CD3D: variants seen among roughly 807,000 people sequenced by gnomAD.
CD3D encodes the protein CD3 delta subunit of T-cell receptor complex.
In CD3D, 22 loss-of-function variants were observed where a neutral mutation model predicts 22.0. That is an observed-to-expected ratio of 1.00 (90% CI 0.71 to 1.43). CD3D has a LOEUF of 1.43. Ranked by LOEUF, CD3D falls within the 40% of genes most tolerant of loss-of-function variation. The pLI is 0.00. For missense variants in CD3D, 205 were observed against 211.7 expected, an observed-to-expected ratio of 0.97 and a Z score of 0.20; for synonymous variants, 74 against 81.2, an observed-to-expected ratio of 0.91 and a Z score of 0.48.
chr11:118,341,175 A>G (rs1297662978), intron 1 of CD3D, among the ~76,000 whole-genome samples: 1 of 152,172 alleles, frequency 6.6e-6, no homozygotes, highest in Non-Finnish European at 1.5e-5. Context: ...CAGCCCCTGA[A>G]TTATCAGCCA....
At position 118,339,432 on chromosome 11, in the gene CD3D, C is replaced by T. The variant is rs779545897; in HGVS notation, c.450+19G>A. 175 of 1,613,724 alleles carry T rather than the reference C, an allele frequency of 1.1e-4. 1 individual carries two copies. Among genetic ancestry groups the T allele is most frequent in the Non-Finnish European group, 1.4e-4 (166 of 1,179,768 alleles). ...ACTTACCCTCCCTTCATTCCTGCCT[C>T]CTTCCCCTCAACGCTCACCTGATAG... On this transcript the variant is annotated intron_variant, in intron 4 of 4. Transcript: ENST00000300692.
chr11:118,339,646 AC>A (rs1460113577), intron 3 of CD3D, 128 bp downstream of exon 3: 2 of 1,560,376 alleles, frequency 1.3e-6, no homozygotes, highest in Admixed American at 1.8e-5. Flanking sequence ...TGCAAGAGTA[AC>A]TCCCAGCTGA....
At chr11:118,341,084 A>G in intron 1 of CD3D, 1 of 400,254 alleles carries the variant, frequency 2.5e-6, no homozygotes, top group South Asian at 1.8e-5. Context: ...TGCTCCATTG[A>G]CAACCAAGAA....
chr11:118,339,679 C>G, intron 3 of CD3D, 96 bp downstream of exon 3: 1 of 1,579,708 alleles, frequency 6.3e-7, no homozygotes, highest in Non-Finnish European at 8.6e-7. Context: ...CCACCAGCCC[C>G]ATTCCTTAGC....
At chr11:118,341,136 T>C (rs572431797) in intron 1 of CD3D, among the ~76,000 whole-genome samples, 2 of 152,296 alleles carry the variant, frequency 1.3e-5, no homozygotes, top group African/African-American at 4.8e-5. Flanking sequence ...GGGCCAGGGA[T>C]GGCTGTGGGT....
chr11:118,340,224 T>C lies in CD3D; in HGVS notation c.274+151A>G, dbSNP rs1948287152. 9.4e-6 allele frequency: 7 copies of C among 744,102 alleles called. No homozygotes were observed. In the South Asian group the frequency reaches 1.0e-4, roughly 11 times the overall value. 46.1% of individuals were successfully genotyped at this position (744,102 alleles called of 1,614,324 possible). A position where few individuals can be genotyped will look rare whatever the true frequency, so the allele number is the denominator to read the frequency against. On this transcript the variant is annotated intron_variant, in intron 2 of 4. Coordinates refer to ENST00000300692, the MANE Select transcript of CD3D (RefSeq NM_000732.6). ...CTGAGTTAAGCTCTCTCTTCCACTT[T>C]GAAGGTCCCCAAATCTGGCTTGTAC...
At chr11:118,340,752 A>G (rs1043042909) in intron 1 of CD3D, 159 bp from the exon 2 acceptor site, 24 of 704,766 alleles carry the variant, frequency 3.4e-5, no homozygotes, top group Non-Finnish European at 5.7e-5. Context: ...AAGCCTTCAG[A>G]AAGTTCCCCA....
Position 118,340,390 on chromosome 11 carries a change from G to T in CD3D, c.259C>A (p.Gln87Lys). Residue 87 changes from glutamine to lysine, a missense_variant, in exon 2 of 5, where the codon CAA (glutamine) becomes AAA (lysine). By Grantham distance (53) the Gln-to-Lys change is moderately conservative. Transcript: ENST00000300692. ...DIYKDKESTV[Q>K]VHYRMCQSCV... ...AAGCACGTACTTCGATAATGAACTTGCACGGTAGATTCTTTGTCCTTGTAT... is the reference window on the plus strand; with the variant it reads ...AAGCACGTACTTCGATAATGAACTTTCACGGTAGATTCTTTGTCCTTGTAT... The T allele has an allele frequency of 6.2e-7, 1 of 1,613,648 alleles. No homozygotes were observed. Among genetic ancestry groups the T allele is most frequent in the African/African-American group, 1.3e-5 (1 of 75,038 alleles).
At position 118,342,571 on chromosome 11, in the gene CD3D, C is replaced by A; in HGVS notation, c.37G>T (p.Ala13Ser). The change falls in exon 1 of 5, where the codon GCT (alanine) becomes TCT (serine). Residue 13 changes from alanine (A) to serine (S), a missense_variant. Ala to Ser is a moderately conservative substitution (Grantham distance 99). Transcript: ENST00000300692. The part of the protein sequence containing the change: ...HSTFLSGLVL[A>S]TLLSQVSPFK... ...GCCTTACCTTGCGAGAGAAGGGTAGCCAGTACCAGGCCAGAGAGAAACGTG... is the reference window on the plus strand; with the variant it reads ...GCCTTACCTTGCGAGAGAAGGGTAGACAGTACCAGGCCAGAGAGAAACGTG... 1 of 1,613,748 alleles carries A rather than the reference C, an allele frequency of 6.2e-7. No homozygotes were observed. The highest frequency in any genetic ancestry group is 8.5e-7 in the Non-Finnish European group (1 of 1,179,738).
Position 118,340,447 on chromosome 11 carries a change from G to T in CD3D, c.202C>A (p.Arg68=), listed in dbSNP as rs111033580. Residue 68 remains arginine, a synonymous_variant, in exon 2 of 5, where the codon CGA becomes AGA. Coordinates refer to ENST00000300692, the MANE Select transcript of CD3D (RefSeq NM_000732.6). ...GTCCCATTACACCTATATATTCCTC[G>T]TGGGTCCAGGATGCGTTTTCCCAGG... ...LDLGKRILDP[R]GIYRCNGTDI... 20 of 1,613,864 alleles carry T rather than the reference G, an allele frequency of 1.2e-5. No individual in the cohort carries two copies. The African/African-American group carries it at 1.3e-4, about 11-fold the overall frequency.
chr11:118,340,910 G>T (rs536903960), intron 1 of CD3D: 20 of 574,758 alleles, frequency 3.5e-5, no homozygotes, highest in Admixed American at 3.2e-4. Flanking sequence ...AGGAGTAGGG[G>T]GAGCACGGAC....
intron 1 of CD3D, among the ~76,000 whole-genome samples, chr11:118,341,593 G>T (rs1268478934): frequency 6.6e-6 from 1 of 152,142 alleles, no homozygotes; most frequent in Non-Finnish European, 1.5e-5. Context: ...CACATCAAAT[G>T]CTTCACGTCC....
downstream of CD3D, chr11:118,339,052 C>G (rs531705272): frequency 1.9e-5 from 19 of 985,860 alleles, no homozygotes; most frequent in Non-Finnish European, 2.8e-5. Context: ...TGCCCAGGAG[C>G]CTTAAGAAGC....
intron 1 of CD3D, among the ~76,000 whole-genome samples, chr11:118,341,349 C>T (rs1948298389): frequency 6.6e-6 from 1 of 152,212 alleles, no homozygotes. Flanking sequence ...AGCAACATTC[C>T]AGATGCAGTG....
intron 1 of CD3D, among the ~76,000 whole-genome samples, chr11:118,342,071 A>G (rs1948304157): frequency 6.6e-6 from 1 of 152,166 alleles, no homozygotes; most frequent in Non-Finnish European, 1.5e-5. Flanking sequence ...GGCTGGAGTC[A>G]GTCAAAGCCA....
intron 1 of CD3D, among the ~76,000 whole-genome samples, chr11:118,342,042 T>G (rs1241130641): frequency 6.6e-6 from 1 of 152,182 alleles, no homozygotes; most frequent in African/African-American, 2.4e-5. Context: ...AGAGACATTC[T>G]AGGCCCACAT....
rs772705529 is a variant in CD3D, at chr11:118,342,700, G to A, written c.-93C>T. 1.2e-5 allele frequency: 12 copies of A among 1,038,128 alleles called. No homozygotes were observed. The highest frequency in any genetic ancestry group is 2.4e-5 in the East Asian group (1 of 41,190). The allele number at this position is 1,038,128 out of a possible 1,614,324, so 64.3% of individuals were successfully genotyped here. On this transcript the variant is annotated 5_prime_UTR_variant, in exon 1 of 5. Transcript: ENST00000300692. ...CTCCCCTAGCTGACTCACAGGTACC[G>A]GAAAGAGGAGAGTGGGGGAGGAACT...
At position 118,340,433 on chromosome 11, in the gene CD3D, C is replaced by G. The variant is rs1948289356; in HGVS notation, c.216G>C (p.Arg72Ser). 6.2e-7 allele frequency: 1 copy of G among 1,613,916 alleles called. No individual in the cohort carries two copies. The highest frequency in any genetic ancestry group is 8.5e-7 in the Non-Finnish European group (1 of 1,179,966). The change falls in exon 2 of 5, where the codon AGG (arginine) becomes AGC (serine). Residue 72 changes from arginine (R) to serine (S), a missense_variant. Physicochemically the swap from Arg to Ser is moderately radical, Grantham distance 110. Coordinates refer to ENST00000300692, the MANE Select transcript of CD3D (RefSeq NM_000732.6). ...KRILDPRGIY[R>S]CNGTDIYKDK... Reference sequence around the variant, plus strand: ...CCTTGTATATATCTGTCCCATTACACCTATATATTCCTCGTGGGTCCAGGA... The same window carrying G: ...CCTTGTATATATCTGTCCCATTACAGCTATATATTCCTCGTGGGTCCAGGA...
chr11:118,340,289 G>T, intron 2 of CD3D, 86 bp downstream of exon 2: 2 of 1,039,900 alleles, frequency 1.9e-6, no homozygotes, highest in Non-Finnish European at 3.0e-6. Context: ...AGAACAGATG[G>T]GTTCACCATA....
Sources: gnomAD v4.1 joint callset for allele counts (sites outside exome capture counted in the v4.1 genomes callset) on GRCh38, gnomAD v4.1.1 for gene constraint, MANE v1.5 for transcripts, NCBI Gene and HGNC (gene_info 2026-07-23, HGNC 2026-07-21) for gene names.